Variants in RARS1 observed in about 807,000 individuals in gnomAD.
The protein encoded by RARS1 is arginine--tRNA ligase, cytoplasmic.
Under a neutral mutation model 78.7 loss-of-function variants are expected in RARS1, and 75 were observed. The ratio of observed to expected loss-of-function variants is 0.95; its 90% CI spans 0.79 to 1.15. The LOEUF (loss-of-function observed/expected upper bound fraction) is 1.15, where lower values mean the gene tolerates loss of function less well. RARS1 is among the 50% of genes most tolerant of loss of function. The pLI, the probability that RARS1 is intolerant of heterozygous loss-of-function variation, is 0.00. For synonymous variants in RARS1, 273 were observed against 268.2 expected, an observed-to-expected ratio of 1.02 and a Z score of -0.18; for missense variants, 787 against 787.5, an observed-to-expected ratio of 1.00 and a Z score of 0.01.
intron 9 of RARS1, 82 bp downstream of exon 9, chr5:168,502,187 T>G (rs1004305707): frequency 9.6e-5 from 145 of 1,504,174 alleles, no homozygotes; most frequent in Admixed American, 3.2e-4. Flanking sequence ...TAATGCCAGC[T>G]TCATGTACTC....
chr5:168,501,281 G>A (rs1315435599), intron 8 of RARS1, among the ~76,000 whole-genome samples: 1 of 152,186 alleles, frequency 6.6e-6, no homozygotes, highest in African/African-American at 2.4e-5. Flanking sequence ...TATAATTACA[G>A]TAAGTAATAC....
At position 168,497,358 on chromosome 5, in the gene RARS1, C is replaced by T. The variant is rs1425998461; in HGVS notation, c.822+10C>T. On this transcript the variant is annotated intron_variant, in intron 7 of 14. Coordinates refer to ENST00000231572, the MANE Select transcript of RARS1 (RefSeq NM_002887.4). The stretch of plus-strand genomic sequence containing the variant: ...TCAGGTCTTTTATAAGGTTTGATAC[C>T]ATTTCTTTTATATTATGTGTGTGTT... The T allele has an allele frequency of 6.5e-7, 1 of 1,541,044 alleles. No individual in the cohort carries two copies. The highest frequency in any genetic ancestry group is 1.3e-5 in the South Asian group (1 of 78,482).
chr5:168,516,819 T>G lies in RARS1; in HGVS notation c.1494T>G (p.Val498=), dbSNP rs770484089. The G allele has an allele frequency of 4.3e-5, 70 of 1,614,068 alleles. No homozygotes were observed. The highest frequency in any genetic ancestry group is 5.4e-5 in the Non-Finnish European group (64 of 1,180,048). ...AEELNAAQTS[V]AYGCIKYADL... is the part of the protein sequence containing the mutation. ...AATTGAATGCTGCTCAGACATCCGT[T>G]GCGTATGGCTGCATCAAATATGCTG... Residue 498 remains valine, a synonymous_variant, in exon 13 of 15, where the codon GTT becomes GTG. Transcript: ENST00000231572.
At chr5:168,490,152 C>T (rs545629987) in intron 2 of RARS1, among the ~76,000 whole-genome samples, 40 of 152,152 alleles carry the variant, frequency 2.6e-4, no homozygotes, top group Non-Finnish European at 2.9e-4. Context: ...GCTCGAGTCT[C>T]ATATTACCTA....
intron 14 of RARS1, 127 bp downstream of exon 14, chr5:168,518,189 T>C: frequency 8.7e-7 from 1 of 1,148,316 alleles, no homozygotes; most frequent in Admixed American, 3.5e-5. Flanking sequence ...CCTCAAGTGA[T>C]TCTCCCACTT....
At chr5:168,499,877 T>A (rs914498425) in intron 7 of RARS1, among the ~76,000 whole-genome samples, 3 of 152,090 alleles carry the variant, frequency 2.0e-5, no homozygotes, top group Non-Finnish European at 4.4e-5. Context: ...GCAACTTTCG[T>A]TTTAGTTAAA....
intron 12 of RARS1, among the ~76,000 whole-genome samples, chr5:168,512,289 T>G (rs1187449465): frequency 6.6e-6 from 1 of 152,220 alleles, no homozygotes; most frequent in Non-Finnish European, 1.5e-5. Context: ...TTTTGAACAT[T>G]GTTGTTCAAG....
In RARS1 at chr5:168,486,505, G is replaced by C. The variant is rs244903; in HGVS notation, c.7G>C (p.Val3Leu). The change falls in exon 1 of 15, where the codon GTA (valine) becomes CTA (leucine). Residue 3 changes from valine to leucine, a missense_variant. Transcript: ENST00000231572. MD[V>L]LVSECSARLL... ...GTGAGACGCTGATGGGAGGATGGAC[G>C]TACTGGTGTCTGAGTGCTCCGCGCG... 25 of 1,558,534 alleles carry C rather than the reference G, an allele frequency of 1.6e-5. No individual in the cohort carries two copies. The highest frequency in any genetic ancestry group is 3.9e-5 in the Admixed American group (2 of 51,124).
intron 2 of RARS1, among the ~76,000 whole-genome samples, chr5:168,491,003 G>A (rs1582426727): frequency 6.6e-6 from 1 of 152,148 alleles, no homozygotes; most frequent in African/African-American, 2.4e-5. Context: ...CAGGGATGGT[G>A]GCATGGGCCT....
intron 11 of RARS1, 69 bp from the exon 12 acceptor site, chr5:168,510,512 T>G (rs986023026): frequency 8.1e-7 from 1 of 1,232,436 alleles, no homozygotes; most frequent in Admixed American, 2.4e-5. Flanking sequence ...CTCTCAAACC[T>G]TCATTTTCAA....
intron 3 of RARS1, 147 bp downstream of exon 3, chr5:168,492,994 G>C (rs947928224): frequency 6.7e-6 from 5 of 751,852 alleles, no homozygotes; most frequent in Middle Eastern, 3.5e-4. Context: ...AAGGAGTTGG[G>C]GGGGTATATG....
At chr5:168,518,947 C>G in intron 14 of RARS1, 134 bp from the exon 15 acceptor site, 1 of 594,530 alleles carries the variant, frequency 1.7e-6, no homozygotes, top group Non-Finnish European at 3.0e-6. Flanking sequence ...AAAGAAGATT[C>G]TAGTTAAAAC....
chr5:168,495,118 A>G (rs1758157722), intron 5 of RARS1, 197 bp from the exon 6 acceptor site: 1 of 920,170 alleles, frequency 1.1e-6, no homozygotes, highest in Non-Finnish European at 1.5e-6. Context: ...TTTTCAGTTA[A>G]AAATATACAA....
chr5:168,493,340 T>G (rs1418984252), intron 3 of RARS1, among the ~76,000 whole-genome samples: 1 of 152,134 alleles, frequency 6.6e-6, no homozygotes, highest in Non-Finnish European at 1.5e-5. Flanking sequence ...TTCCTTTCTT[T>G]GCTGAATTGG....
In RARS1 at chr5:168,517,020, C is replaced by CT. The variant is rs35717210; in HGVS notation, c.1625+83dup. ...ATATTTAGTTACTCAAAAATATTTT[C>CT]TTTTTTTTTTTTTGAAATGAGACGG... On this transcript the variant is annotated intron_variant, in intron 13 of 14. Coordinates refer to ENST00000231572, the MANE Select transcript of RARS1 (RefSeq NM_002887.4). 0.13 allele frequency: 144,283 copies of CT among 1,071,852 alleles called. 566 individuals carry two copies. The highest frequency in any genetic ancestry group is 0.27 in the Admixed American group (10,996 of 41,042). The allele number at this position is 1,071,852 out of a possible 1,614,324, so 66.4% of individuals were successfully genotyped here.
intron 12 of RARS1, among the ~76,000 whole-genome samples, chr5:168,513,277 C>G (rs147606354): frequency 0.13 from 19,320 of 146,500 alleles, 1,666 homozygotes; most frequent in Non-Finnish European, 0.19. Context: ...CCAGGATGGT[C>G]TCAATCTCGT....
At chr5:168,487,521 A>G (rs1207836082) in intron 1 of RARS1, among the ~76,000 whole-genome samples, 2 of 152,242 alleles carry the variant, frequency 1.3e-5, no homozygotes, top group African/African-American at 4.8e-5. Flanking sequence ...TAAATTGGCA[A>G]GCTCTTTACA....
At chr5:168,491,299 A>G (rs557124933) in intron 2 of RARS1, among the ~76,000 whole-genome samples, 1 of 152,320 alleles carries the variant, frequency 6.6e-6, no homozygotes, top group African/African-American at 2.4e-5. Context: ...GTTCAAGGTT[A>G]CAGTGAGCTG....
chr5:168,498,653 G>T (rs1404408737), intron 7 of RARS1, among the ~76,000 whole-genome samples: 5 of 151,988 alleles, frequency 3.3e-5, no homozygotes, highest in African/African-American at 1.2e-4. Flanking sequence ...TTGTACACTT[G>T]GATTTTTTTC....
Sources: gnomAD v4.1 joint callset for allele counts (sites outside exome capture counted in the v4.1 genomes callset) on GRCh38, gnomAD v4.1.1 for gene constraint, MANE v1.5 for transcripts, NCBI Gene and HGNC (gene_info 2026-07-23, HGNC 2026-07-21) for gene names.